GPHN: variants seen among roughly 807,000 people sequenced by gnomAD.
GPHN encodes the protein gephyrin.
GPHN carries 17 observed loss-of-function variants against 95.5 expected under a neutral mutation model. That is an observed-to-expected ratio of 0.18 (90% confidence interval 0.12 to 0.27). GPHN has a LOEUF of 0.27. Among genes scored for constraint, GPHN ranks in the 10% least tolerant of loss-of-function variants. The pLI, the probability that GPHN is intolerant of heterozygous loss-of-function variation, is 1.00. For missense variants in GPHN, 660 were observed against 978.1 expected (o/e 0.67, Z 4.34); for synonymous variants, 320 against 322.5 (o/e 0.99, Z 0.08).
chr14:67,413,285 A>G, the GPHN span, among the ~76,000 whole-genome samples: 2 of 151,998 alleles, frequency 1.3e-5, no homozygotes, highest in African/African-American at 4.8e-5. Context: ...TTTTATTTAT[A>G]GAGACAGGGT....
chr14:66,723,943 A>C (rs542517297), intron 2 of GPHN, among the ~76,000 whole-genome samples: 23 of 151,494 alleles, frequency 1.5e-4, no homozygotes, highest in Non-Finnish European at 2.7e-4. Context: ...ATAATTTTCT[A>C]TCTGGAGATA....
chr14:66,924,321 T>G (rs1596385664), intron 8 of GPHN, 29 bp downstream of exon 8: 1 of 1,200,682 alleles, frequency 8.3e-7, no homozygotes, highest in Non-Finnish European at 1.2e-6. Flanking sequence ...GCATTAATGG[T>G]TTTCCAAATA....
At chr14:66,835,661 T>G in intron 4 of GPHN, among the ~76,000 whole-genome samples, 1 of 152,168 alleles carries the variant, frequency 6.6e-6, no homozygotes. Context: ...AAATTGTCCG[T>G]GTCTGCAGAT....
At chr14:67,305,286 A>T in the GPHN span, among the ~76,000 whole-genome samples, 5 of 146,990 alleles carry the variant, frequency 3.4e-5, no homozygotes, top group African/African-American at 1.0e-4. Context: ...AAGTTAAGAC[A>T]TTTTTTTTTT....
chr14:67,535,887 G>C, the GPHN span, among the ~76,000 whole-genome samples: 1 of 152,192 alleles, frequency 6.6e-6, no homozygotes, highest in South Asian at 2.1e-4. Context: ...TTAAATGACG[G>C]TTTCATATGG....
intron 12 of GPHN, among the ~76,000 whole-genome samples, chr14:67,096,744 C>T (rs2077415202): frequency 7.8e-6 from 1 of 128,910 alleles, no homozygotes; most frequent in Non-Finnish European, 1.6e-5. Flanking sequence ...CTTTGTGCCT[C>T]AGCCTCCCAA....
the GPHN span, among the ~76,000 whole-genome samples, chr14:67,637,410 C>CAAAAAA: frequency 4.8e-5 from 5 of 103,650 alleles, no homozygotes; most frequent in Non-Finnish European, 5.3e-5. Flanking sequence ...GACTCTGTCT[C>CAAAAAA]AAAAAAAAAA....
At chr14:66,583,610 C>T (rs2061293296) in intron 1 of GPHN, among the ~76,000 whole-genome samples, 1 of 152,104 alleles carries the variant, frequency 6.6e-6, no homozygotes, top group Non-Finnish European at 1.5e-5. Context: ...ATATGGCTAG[C>T]CAGTTTTCCC....
the GPHN span, chr14:67,350,677 A>G: frequency 6.2e-7 from 1 of 1,613,432 alleles, no homozygotes; most frequent in South Asian, 1.1e-5. Context: ...CACTTCGCCC[A>G]TCAACATTTT....
the GPHN span, among the ~76,000 whole-genome samples, chr14:67,655,217 T>C: frequency 9.2e-5 from 14 of 151,818 alleles, no homozygotes; most frequent in African/African-American, 3.4e-4. Context: ...AGCACATGCC[T>C]GTATCGCAGC....
intron 1 of GPHN, among the ~76,000 whole-genome samples, chr14:66,530,358 G>A (rs1229238421): frequency 6.6e-6 from 1 of 152,166 alleles, no homozygotes; most frequent in Non-Finnish European, 1.5e-5. Flanking sequence ...AGAATTTCAA[G>A]CCAGTCGATC....
the GPHN span, chr14:67,338,316 G>A: frequency 4.6e-6 from 1 of 218,494 alleles, no homozygotes; most frequent in South Asian, 1.4e-4. Context: ...TTCCTAAGAG[G>A]TATTTCCTAA....
chr14:67,722,951 G>C, the GPHN span, among the ~76,000 whole-genome samples: 3 of 152,294 alleles, frequency 2.0e-5, no homozygotes, highest in South Asian at 6.2e-4. Context: ...GAGTTCTACT[G>C]CCAGCGGAAG....
chr14:66,745,032 G>T (rs1033621795), intron 2 of GPHN, among the ~76,000 whole-genome samples: 2 of 152,054 alleles, frequency 1.3e-5, no homozygotes, highest in African/African-American at 4.8e-5. Flanking sequence ...TGCCTTAAAA[G>T]ATCAAGTTTT....
At chr14:66,954,716 C>CA (rs2068365242) in intron 8 of GPHN, among the ~76,000 whole-genome samples, 2 of 152,146 alleles carry the variant, frequency 1.3e-5, no homozygotes, top group African/African-American at 4.8e-5. Context: ...GGGAAGTTTT[C>CA]AGTCTCATTA....
At chr14:67,594,704 G>A in the GPHN span, among the ~76,000 whole-genome samples, 1 of 151,350 alleles carries the variant, frequency 6.6e-6, no homozygotes, top group Non-Finnish European at 1.5e-5. Context: ...CAGAATACAG[G>A]AGGGAGTTAT....
chr14:67,595,340 G>A, the GPHN span, among the ~76,000 whole-genome samples: 59 of 152,252 alleles, frequency 3.9e-4, no homozygotes, highest in Admixed American at 1.2e-3. Context: ...TACTGACTTT[G>A]TATTGTTTCC....
At chr14:67,038,797 T>G (rs2074557336) in intron 10 of GPHN, among the ~76,000 whole-genome samples, 1 of 152,180 alleles carries the variant, frequency 6.6e-6, no homozygotes, top group Admixed American at 6.5e-5. Context: ...GTATTGTTCT[T>G]TTATACAATT....
At chr14:67,190,102 G>T in the GPHN span, among the ~76,000 whole-genome samples, 1 of 141,456 alleles carries the variant, frequency 7.1e-6, no homozygotes, top group Non-Finnish European at 1.5e-5. Context: ...TTTTTGTAGA[G>T]ACAGGGTTTC....
Sources: allele counts gnomAD v4.1 joint callset (sites outside exome capture counted in the v4.1 genomes callset), GRCh38; gene constraint gnomAD v4.1.1; transcripts MANE v1.5; gene names NCBI Gene and HGNC (gene_info 2026-07-23, HGNC 2026-07-21).